ADGRL2: variants seen among roughly 807,000 people sequenced by gnomAD.
ADGRL2 encodes the protein adhesion G protein-coupled receptor L2.
ADGRL2 carries 44 observed loss-of-function variants against 157.4 expected under a neutral mutation model. The observed-to-expected ratio is 0.28, with a 90% CI of 0.22 to 0.36. The LOEUF (loss-of-function observed/expected upper bound fraction) is 0.36, where lower values mean the gene tolerates loss of function less well. Ranked by LOEUF, ADGRL2 falls within the 10% of genes least tolerant of loss-of-function variation. The pLI, the probability that ADGRL2 is intolerant of heterozygous loss-of-function variation, is 1.00. For missense variants in ADGRL2, 1,510 were observed against 1,768.9 expected, an observed-to-expected ratio of 0.85 and a Z score of 2.63; for synonymous variants, 585 against 624.7, an observed-to-expected ratio of 0.94 and a Z score of 0.95.
At chr1:81,351,639 C>T (rs185870643) in intron 1 of ADGRL2, among the ~76,000 whole-genome samples, 174 of 152,094 alleles carry the variant, frequency 1.1e-3, no homozygotes, top group African/African-American at 3.7e-3. Flanking sequence ...TTACCCAGCA[C>T]GTCAAACCAG....
At chr1:81,518,339 A>G (rs2079229715) in intron 2 of ADGRL2, among the ~76,000 whole-genome samples, 1 of 152,196 alleles carries the variant, frequency 6.6e-6, no homozygotes, top group South Asian at 2.1e-4. Flanking sequence ...CTATATTAAT[A>G]CACATCGAAC....
chr1:81,443,036 A>C (rs2077537424), intron 1 of ADGRL2, among the ~76,000 whole-genome samples: 1 of 152,220 alleles, frequency 6.6e-6, no homozygotes, highest in African/African-American at 2.4e-5. Flanking sequence ...TTCTTTACAA[A>C]ATCTTTAAAT....
chr1:81,491,244 A>G (rs1315691884), intron 2 of ADGRL2, among the ~76,000 whole-genome samples: 1 of 152,236 alleles, frequency 6.6e-6, no homozygotes, highest in East Asian at 1.9e-4. Context: ...AAGCTCTAAA[A>G]CAAGCTAAAT....
chr1:81,394,199 T>A (rs1290018766), intron 1 of ADGRL2, among the ~76,000 whole-genome samples: 1 of 152,186 alleles, frequency 6.6e-6, no homozygotes, highest in Non-Finnish European at 1.5e-5. Context: ...TATTATTTAT[T>A]ATAGATTCTG....
intron 3 of ADGRL2, among the ~76,000 whole-genome samples, chr1:81,603,679 A>G (rs1485338463): frequency 1.3e-5 from 2 of 152,254 alleles, no homozygotes; most frequent in Non-Finnish European, 2.9e-5. Context: ...GCTCAGGAAG[A>G]AAGGACAATT....
chr1:81,324,351 A>G (rs1419633266), intron 1 of ADGRL2, among the ~76,000 whole-genome samples: 2 of 145,836 alleles, frequency 1.4e-5, no homozygotes, highest in East Asian at 2.0e-4. Context: ...AAAAAAAAAA[A>G]TACAAAAATC....
chr1:81,581,337 A>G (rs2148540705), intron 3 of ADGRL2, among the ~76,000 whole-genome samples: 1 of 152,326 alleles, frequency 6.6e-6, no homozygotes, highest in East Asian at 1.9e-4. Flanking sequence ...TTTTCCTTGG[A>G]ATTTTTCAAG....
chr1:81,947,928 G>A (rs575549675), intron 6 of ADGRL2, among the ~76,000 whole-genome samples: 47 of 152,136 alleles, frequency 3.1e-4, no homozygotes, highest in Non-Finnish European at 6.2e-4. Context: ...TGATCAAAAG[G>A]TAAAAAGTGG....
At chr1:81,887,158 G>A (rs2094145880) in intron 2 of ADGRL2, among the ~76,000 whole-genome samples, 1 of 152,150 alleles carries the variant, frequency 6.6e-6, no homozygotes, top group South Asian at 2.1e-4. Flanking sequence ...AGAGAGCTTT[G>A]AGTGTCACTT....
At chr1:81,745,621 G>A (rs2085219902) in intron 1 of ADGRL2, among the ~76,000 whole-genome samples, 1 of 152,156 alleles carries the variant, frequency 6.6e-6, no homozygotes, top group Non-Finnish European at 1.5e-5. Context: ...GTAACACTGT[G>A]ACAGATAATA....
At chr1:81,539,061 C>G (rs530215431) in intron 2 of ADGRL2, among the ~76,000 whole-genome samples, 4 of 147,006 alleles carry the variant, frequency 2.7e-5, no homozygotes, top group Non-Finnish European at 6.0e-5. Flanking sequence ...ATATACTTTT[C>G]TGGAAAAATC....
At chr1:81,464,265 T>A (rs2078003577) in intron 2 of ADGRL2, among the ~76,000 whole-genome samples, 1 of 151,902 alleles carries the variant, frequency 6.6e-6, no homozygotes, top group Admixed American at 6.6e-5. Context: ...TTCCTTTTCC[T>A]CTCCCTATCT....
intron 1 of ADGRL2, among the ~76,000 whole-genome samples, chr1:81,405,882 T>A (rs1243379529): frequency 6.6e-6 from 1 of 152,130 alleles, no homozygotes; most frequent in African/African-American, 2.4e-5. Context: ...CATTTCCTTT[T>A]AAAATCCAAT....
intron 1 of ADGRL2, among the ~76,000 whole-genome samples, chr1:81,709,248 C>T (rs1210128095): frequency 6.6e-6 from 1 of 152,106 alleles, no homozygotes; most frequent in Non-Finnish European, 1.5e-5. Flanking sequence ...TACTTTTGCA[C>T]CAACCTAATG....
chr1:81,436,612 A>G (rs1290621912), intron 1 of ADGRL2, among the ~76,000 whole-genome samples: 2 of 152,216 alleles, frequency 1.3e-5, no homozygotes, highest in Non-Finnish European at 2.9e-5. Context: ...AAGAACCAAT[A>G]TGGGGAAAGC....
At chr1:81,655,935 G>A in intron 3 of ADGRL2, among the ~76,000 whole-genome samples, 1 of 152,132 alleles carries the variant, frequency 6.6e-6, no homozygotes, top group Non-Finnish European at 1.5e-5. Context: ...CAGAGCCCCA[G>A]GGTTCAAAGG....
chr1:81,555,886 T>G (rs1236633614), intron 2 of ADGRL2, among the ~76,000 whole-genome samples: 2 of 152,140 alleles, frequency 1.3e-5, no homozygotes, highest in African/African-American at 4.8e-5. Context: ...TGTAGCTCAC[T>G]TATGCCCCCA....
chr1:81,758,137 T>A (rs542547897), intron 1 of ADGRL2, among the ~76,000 whole-genome samples: 1 of 152,182 alleles, frequency 6.6e-6, no homozygotes. Flanking sequence ...CCACATGAAG[T>A]GCAATTTTGT....
chr1:81,317,593 A>C (rs1660198497), intron 1 of ADGRL2, among the ~76,000 whole-genome samples: 1 of 152,222 alleles, frequency 6.6e-6, no homozygotes, highest in South Asian at 2.1e-4. Context: ...GTTGTTGAAT[A>C]AAGTCAAGTT....
Sources: gnomAD v4.1 joint callset for allele counts (sites outside exome capture counted in the v4.1 genomes callset) on GRCh38, gnomAD v4.1.1 for gene constraint, MANE v1.5 for transcripts, NCBI Gene and HGNC (gene_info 2026-07-23, HGNC 2026-07-21) for gene names.